HEATR5A: variants seen among roughly 807,000 people sequenced by gnomAD.
HEATR5A encodes the protein HEAT repeat-containing protein 5A.
HEATR5A carries 178 observed loss-of-function variants against 218.8 expected under a neutral mutation model. The observed-to-expected ratio is 0.81, with a 90% CI of 0.72 to 0.92. The LOEUF (loss-of-function observed/expected upper bound fraction) is 0.92, where lower values mean the gene tolerates loss of function less well. Among genes scored for constraint, HEATR5A ranks in the 40% least tolerant of loss-of-function variants. HEATR5A has a pLI of 0.00. For synonymous variants in HEATR5A, 864 were observed against 871.6 expected (o/e 0.99, Z 0.15); for missense variants, 2,420 against 2,418.9 (o/e 1.00, Z -0.01).
At chr14:31,320,455 G>A (rs1900056198) in intron 25 of HEATR5A, 4 of 1,362,694 alleles carry the variant, frequency 2.9e-6, no homozygotes, top group South Asian at 2.3e-5. Flanking sequence ...CAGTGTCCCG[G>A]GAGACAACAC....
At chr14:31,319,693 A>G (rs2139162011) in intron 25 of HEATR5A, among the ~76,000 whole-genome samples, 1 of 152,276 alleles carries the variant, frequency 6.6e-6, no homozygotes, top group South Asian at 2.1e-4. Flanking sequence ...TTCTTCTTAA[A>G]TTGTTCAATG....
chr14:31,395,453 C>A, intron 4 of HEATR5A, 105 bp from the exon 5 acceptor site: 1 of 529,166 alleles, frequency 1.9e-6, no homozygotes, highest in Non-Finnish European at 3.2e-6. Flanking sequence ...CCAGACTTCT[C>A]TACATACTAA....
chr14:31,293,824 C>T, intron 35 of HEATR5A, 67 bp downstream of exon 35: 1 of 1,319,940 alleles, frequency 7.6e-7, no homozygotes, highest in Non-Finnish European at 1.1e-6. Flanking sequence ...GATTGTTTTG[C>T]AATTTAAATA....
At chr14:31,344,481 T>C (rs755492180) in intron 20 of HEATR5A, among the ~76,000 whole-genome samples, 154 of 110,916 alleles carry the variant, frequency 1.4e-3, no homozygotes, top group Non-Finnish European at 2.0e-3. Context: ...GGTTTCACCA[T>C]GTTGGCCAGG....
In HEATR5A at chr14:31,347,909, T is replaced by G. The variant is rs1047331920; in HGVS notation, c.2709-2A>C. 2.7e-6 allele frequency: 4 copies of G among 1,477,674 alleles called. No individual in the cohort carries two copies. The highest frequency in any genetic ancestry group is 5.4e-5 in the Admixed American group (2 of 37,182). The allele number at this position is 1,477,674 out of a possible 1,614,324, so 91.5% of individuals were successfully genotyped here. A position where few individuals can be genotyped will look rare whatever the true frequency, so the allele number is the denominator to read the frequency against. On this transcript the variant is annotated splice_acceptor_variant, in intron 18 of 35. Coordinates refer to ENST00000543095, the MANE Select transcript of HEATR5A (RefSeq NM_015473.4). LOFTEE classifies it high-confidence loss of function. Reference sequence around the variant, plus strand: ...ACCACATCCCTTGCTGATTTCAATCTGTAAATATAAAAATAAAAATAAACG... The same window carrying G: ...ACCACATCCCTTGCTGATTTCAATCGGTAAATATAAAAATAAAAATAAACG...
At chr14:31,308,100 G>A in intron 29 of HEATR5A, 80 bp from the exon 30 acceptor site, 1 of 1,312,810 alleles carries the variant, frequency 7.6e-7, no homozygotes, top group Non-Finnish European at 1.0e-6. Context: ...TTATATTTTG[G>A]TAAGATATAT....
intron 26 of HEATR5A, among the ~76,000 whole-genome samples, chr14:31,317,267 T>TA (rs1295199423): frequency 1.3e-5 from 2 of 151,950 alleles, no homozygotes; most frequent in Non-Finnish European, 2.9e-5. Flanking sequence ...GTCCTGCTTT[T>TA]AATTAGTTCA....
At chr14:31,311,222 G>C (rs1595084630) in intron 28 of HEATR5A, among the ~76,000 whole-genome samples, 1 of 152,200 alleles carries the variant, frequency 6.6e-6, no homozygotes, top group East Asian at 1.9e-4. Flanking sequence ...ATAAAATGCA[G>C]TACTAGTAAC....
intron 16 of HEATR5A, among the ~76,000 whole-genome samples, chr14:31,355,682 C>T (rs1901401593): frequency 6.6e-6 from 1 of 152,076 alleles, no homozygotes; most frequent in Admixed American, 6.6e-5. Flanking sequence ...TTGCAGTGAG[C>T]CACCGCACTC....
Position 31,295,991 on chromosome 14 carries a change from C to A in HEATR5A, c.5537G>T (p.Ser1846Ile). ...GCATGGGATGGTAGTTACTTCTGGA[C>A]TGGTAGACAAAATAAACACTGTGAT... ...TAITVFILST[S>I]PEVTTIPCLQ... The change falls in exon 34 of 36, where the codon AGT (serine) becomes ATT (isoleucine). Residue 1846 changes from serine to isoleucine, a missense_variant. Physicochemically the swap from Ser to Ile is moderately radical, Grantham distance 142 (BLOSUM62 -2). Coordinates refer to ENST00000543095, the MANE Select transcript of HEATR5A (RefSeq NM_015473.4). 1 of 1,613,342 alleles carries A rather than the reference C, an allele frequency of 6.2e-7. No individual in the cohort carries two copies. Among genetic ancestry groups the A allele is most frequent in the South Asian group, 1.1e-5 (1 of 91,070 alleles).
Position 31,350,686 on chromosome 14 carries a change from T to C in HEATR5A, c.2443A>G (p.Ile815Val). ...TGACGAGCTCCTTTTGTGTGCTTTA[T>C]ACTGTCCAAAAGCTGTTCCAATATA... ...LLILEQLLDS[I>V]KHTKGARQQV... Residue 815 changes from isoleucine to valine, a missense_variant, in exon 17 of 36, where the codon ATA (isoleucine) becomes GTA (valine). Ile to Val is a conservative substitution (Grantham distance 29). Coordinates refer to ENST00000543095, the MANE Select transcript of HEATR5A (RefSeq NM_015473.4). The C allele has an allele frequency of 6.3e-7, 1 of 1,597,420 alleles. No individual in the cohort carries two copies. Among genetic ancestry groups the C allele is most frequent in the Non-Finnish European group, 8.6e-7 (1 of 1,168,950 alleles).
At chr14:31,394,000 A>G in intron 6 of HEATR5A, 52 bp downstream of exon 6, 1 of 1,225,684 alleles carries the variant, frequency 8.2e-7, no homozygotes, top group Non-Finnish European at 1.1e-6. Flanking sequence ...TGTTTATATC[A>G]ACTGGGGAAA....
chr14:31,337,714 C>A (rs1475116768), intron 21 of HEATR5A, 100 bp from the exon 22 acceptor site: 5 of 955,932 alleles, frequency 5.2e-6, no homozygotes, highest in Non-Finnish European at 4.6e-6. Flanking sequence ...TCTGTCCAGC[C>A]CATCAGTGGG....
chr14:31,369,934 A>T (rs1595145939), intron 13 of HEATR5A, among the ~76,000 whole-genome samples: 1 of 372 alleles, frequency 2.7e-3, no homozygotes, highest in Admixed American at 3.9e-3. Context: ...ACTCTATCTC[A>T]AAAAAAAAAA....
At position 31,323,661 on chromosome 14, in the gene HEATR5A, C is replaced by G. The variant is rs749038409; in HGVS notation, c.3691G>C (p.Glu1231Gln). Residue 1231 changes from glutamate to glutamine, a missense_variant, in exon 24 of 36, where the codon GAA becomes CAA. Physicochemically the swap from Glu to Gln is conservative, Grantham distance 29. Coordinates refer to ENST00000543095, the MANE Select transcript of HEATR5A (RefSeq NM_015473.4). ...PRWATRVFAA[E>Q]CVCRIINQCE... ...TGGTTAATTATCCTACAGACACATT[C>G]AGCAGCAAAGACTCTAGTAGCCCAT... is the stretch of plus-strand genomic sequence containing the variant. 1 of 1,613,550 alleles carries G rather than the reference C, an allele frequency of 6.2e-7. No individual in the cohort carries two copies. Among genetic ancestry groups the G allele is most frequent in the Admixed American group, 1.7e-5 (1 of 59,976 alleles).
chr14:31,391,846 A>C (rs971132799), intron 6 of HEATR5A, among the ~76,000 whole-genome samples: 7 of 152,194 alleles, frequency 4.6e-5, no homozygotes, highest in African/African-American at 1.4e-4. Flanking sequence ...AGAGGTGTGT[A>C]GTCTAAGAGC....
chr14:31,344,341 C>T (rs1900951061), intron 20 of HEATR5A, among the ~76,000 whole-genome samples: 1 of 133,988 alleles, frequency 7.5e-6, no homozygotes, highest in Non-Finnish European at 1.5e-5. Context: ...GCGATGGTGC[C>T]ATTTCGGCTC....
intron 11 of HEATR5A, among the ~76,000 whole-genome samples, chr14:31,376,390 A>G (rs1396574275): frequency 1.3e-5 from 2 of 152,186 alleles, no homozygotes; most frequent in Non-Finnish European, 2.9e-5. Flanking sequence ...GCACATGTCT[A>G]TAGTCCCAGC....
chr14:31,369,995 G>A (rs1168508410), intron 13 of HEATR5A, among the ~76,000 whole-genome samples: 11 of 149,236 alleles, frequency 7.4e-5, no homozygotes, highest in Non-Finnish European at 1.5e-4. Context: ...TTGGGAGGCC[G>A]AGACAGGCGG....
Sources: allele counts gnomAD v4.1 joint callset (sites outside exome capture counted in the v4.1 genomes callset), GRCh38; gene constraint gnomAD v4.1.1; transcripts MANE v1.5; gene names NCBI Gene and HGNC (gene_info 2026-07-23, HGNC 2026-07-21).